The following SS18L1 variants were observed in gnomAD, a reference collection of about 807,000 sequenced individuals.
SS18L1 encodes SS18L1 subunit of BAF chromatin remodeling complex, also known as calcium-responsive transactivator.
Under a neutral mutation model 70.3 loss-of-function variants are expected in SS18L1, and 32 were observed. The observed-to-expected ratio is 0.46, with a 90% confidence interval of 0.34 to 0.61. The LOEUF is 0.61. SS18L1 is among the 20% of genes least tolerant of loss of function. SS18L1 has a pLI of 0.01. For synonymous variants in SS18L1, 237 were observed against 229.7 expected (o/e 1.03, Z -0.29); for missense variants, 430 against 542.1 (o/e 0.79, Z 2.05).
chr20:62,166,001 G>C (rs1259395392), intron 8 of SS18L1, among the ~76,000 whole-genome samples: 12 of 152,250 alleles, frequency 7.9e-5, no homozygotes, highest in African/African-American at 4.8e-5. Flanking sequence ...CTGGGGGCTT[G>C]CCGCCCTTCA....
intron 8 of SS18L1, among the ~76,000 whole-genome samples, chr20:62,166,172 CG>C (rs1428104285): frequency 2.0e-5 from 3 of 152,242 alleles, no homozygotes; most frequent in Non-Finnish European, 4.4e-5. Flanking sequence ...AGTCCCACCC[CG>C]GGATAAAGAT....
At chr20:62,154,577 C>G (rs746697800) in intron 1 of SS18L1, 2 of 1,000,798 alleles carry the variant, frequency 2.0e-6, no homozygotes, top group Non-Finnish European at 2.4e-6. Context: ...GTATGGGACA[C>G]AGCTCCTCCG....
At chr20:62,145,268 G>T (rs2057004123) in intron 1 of SS18L1, among the ~76,000 whole-genome samples, 1 of 152,164 alleles carries the variant, frequency 6.6e-6, no homozygotes. Context: ...AGCTAAAGAG[G>T]CTGCGGCCTA....
chr20:62,164,339 C>A, intron 7 of SS18L1, 93 bp downstream of exon 7: 1 of 1,249,572 alleles, frequency 8.0e-7, no homozygotes, highest in Non-Finnish European at 1.1e-6. Context: ...GTGGCCACTG[C>A]AGTGTGTCCT....
intron 4 of SS18L1, among the ~76,000 whole-genome samples, chr20:62,162,290 C>G (rs896685633): frequency 6.6e-6 from 1 of 151,124 alleles, no homozygotes; most frequent in Non-Finnish European, 1.5e-5. Flanking sequence ...AGCATGTACG[C>G]TGCTTTGTTT....
intron 1 of SS18L1, among the ~76,000 whole-genome samples, chr20:62,157,498 G>A (rs910721862): frequency 5.3e-5 from 8 of 152,236 alleles, no homozygotes; most frequent in African/African-American, 1.9e-4. Context: ...AGCGCAGACC[G>A]TGCTTGGCGG....
intron 8 of SS18L1, among the ~76,000 whole-genome samples, chr20:62,170,904 T>C (rs543567188): frequency 6.6e-6 from 1 of 151,770 alleles, no homozygotes; most frequent in Non-Finnish European, 1.5e-5. Flanking sequence ...TTTTTTTTTT[T>C]TGTTTATGTT....
Position 62,174,489 on chromosome 20 carries a change from G to A in SS18L1, c.1037-28G>A, listed in dbSNP as rs746228983. 1.9e-6 allele frequency: 3 copies of A among 1,578,898 alleles called. No homozygotes were observed. Among genetic ancestry groups the A allele is most frequent in the South Asian group, 1.2e-5 (1 of 86,490 alleles). On this transcript the variant is annotated intron_variant, in intron 9 of 10. Coordinates refer to ENST00000331758, the MANE Select transcript of SS18L1 (RefSeq NM_198935.3). This position sits in a 1 kb window ranked among gnomAD's most constrained non-coding sequence, Gnocchi z 4.1. ...AAAGAAAGAGGTGTCCGTTTTGGCC[G>A]GCCTCACGGTTCCTGGTGTCTTCTC...
chr20:62,150,633 ATTTTTTTTTTTTTTTTTTTTT>A (rs34708339), intron 1 of SS18L1, among the ~76,000 whole-genome samples: 33 of 58,052 alleles, frequency 5.7e-4, no homozygotes, highest in East Asian at 7.8e-4. Flanking sequence ...ATTGAGGTGG[ATTTTTTTTTTTTTTTTTTTTT>A]TTTTTTTTTT....
Position 62,159,858 on chromosome 20 carries a change from C to T in SS18L1, c.147-19C>T, listed in dbSNP as rs56404343. 18 of 1,609,862 alleles carry T rather than the reference C, an allele frequency of 1.1e-5. No homozygotes were observed. In the African/African-American group the frequency reaches 1.5e-4, roughly 13 times the overall value. ...TGTGGTCCCGTCGTCCTGCCTCATG[C>T]GTGCCCCCTCTCCTGCAGGTACCAG... On this transcript the variant is annotated intron_variant, in intron 2 of 10. Coordinates refer to ENST00000331758, the MANE Select transcript of SS18L1 (RefSeq NM_198935.3). The surrounding 1 kb of genome is among the most constrained non-coding windows in gnomAD (Gnocchi z 4.4).
chr20:62,164,011 C>T (rs757498754), intron 6 of SS18L1, 134 bp from the exon 7 acceptor site: 169 of 713,756 alleles, frequency 2.4e-4, no homozygotes, highest in Non-Finnish European at 3.5e-4. Context: ...AAGTTGGATA[C>T]GATGACAGCG....
Position 62,180,899 on chromosome 20 carries a change from AAAATAAAT to A in SS18L1, c.*1710_*1717del, listed in dbSNP as rs147777670. 11,760 of 171,212 alleles carry A rather than the reference AAAATAAAT, an allele frequency of 0.069. 540 individuals carry two copies. Among genetic ancestry groups the A allele is most frequent in the Middle Eastern group, 0.15 (63 of 420 alleles). 10.6% of individuals were successfully genotyped at this position (171,212 alleles called of 1,614,324 possible). ...AACAAGAGTGAAATTCCGTCTCAAAAAAATAAATAAATAAATAAATAAATAAGTTAAAA... is the reference window on the plus strand; with the variant it reads ...AACAAGAGTGAAATTCCGTCTCAAAAAAATAAATAAATAAATAAGTTAAAA... On this transcript the variant is annotated 3_prime_UTR_variant, in exon 11 of 11. Transcript: ENST00000331758.
At chr20:62,144,282 G>A (rs1335326193) in intron 1 of SS18L1, among the ~76,000 whole-genome samples, 1 of 152,074 alleles carries the variant, frequency 6.6e-6, no homozygotes, top group Non-Finnish European at 1.5e-5. Flanking sequence ...CCGGAGCCGC[G>A]GCGAGGGCTT....
At chr20:62,144,895 A>T (rs1439080667) in intron 1 of SS18L1, among the ~76,000 whole-genome samples, 2 of 152,208 alleles carry the variant, frequency 1.3e-5, no homozygotes, top group East Asian at 3.9e-4. Flanking sequence ...AAACAGTGGT[A>T]TTCCTAGGTT....
chr20:62,158,782 G>A lies in SS18L1; in HGVS notation c.146+34G>A. On this transcript the variant is annotated intron_variant, in intron 2 of 10. Coordinates refer to ENST00000331758, the MANE Select transcript of SS18L1 (RefSeq NM_198935.3). The surrounding 1 kb of genome is among the most constrained non-coding windows in gnomAD (Gnocchi z 4.5). Reference sequence around the variant, plus strand: ...CCGCCATACACCGGAACACTTGGAGGGTGTCATGCAGAGTCTAAGCACAGA... The same window carrying A: ...CCGCCATACACCGGAACACTTGGAGAGTGTCATGCAGAGTCTAAGCACAGA... 6.2e-7 allele frequency: 1 copy of A among 1,612,902 alleles called. No individual in the cohort carries two copies. Among genetic ancestry groups the A allele is most frequent in the African/African-American group, 1.3e-5 (1 of 75,052 alleles).
intron 10 of SS18L1, among the ~76,000 whole-genome samples, chr20:62,177,283 A>G (rs2057636157): frequency 6.6e-6 from 1 of 152,082 alleles, no homozygotes; most frequent in Non-Finnish European, 1.5e-5. Flanking sequence ...TGTCTCAAAA[A>G]AAAAAAAAAG....
At chr20:62,168,439 A>G (rs2057472907) in intron 8 of SS18L1, among the ~76,000 whole-genome samples, 1 of 152,252 alleles carries the variant, frequency 6.6e-6, no homozygotes, top group South Asian at 2.1e-4. Flanking sequence ...CCCATGGTGC[A>G]GTGGAGAGGC....
chr20:62,171,542 AGTT>A (rs2057531878), intron 8 of SS18L1, among the ~76,000 whole-genome samples: 1 of 152,232 alleles, frequency 6.6e-6, no homozygotes, highest in Non-Finnish European at 1.5e-5. Flanking sequence ...AGCGTGTGTT[AGTT>A]TTGTCATCCC....
intron 8 of SS18L1, among the ~76,000 whole-genome samples, chr20:62,165,749 T>C (rs1277109907): frequency 6.6e-6 from 1 of 151,590 alleles, no homozygotes; most frequent in South Asian, 2.1e-4. Flanking sequence ...CCGGCCATGC[T>C]GGGGTTGGGG....
Sources: gnomAD v4.1 joint callset for allele counts (sites outside exome capture counted in the v4.1 genomes callset) on GRCh38, gnomAD v4.1.1 for gene constraint, Gnocchi (gnomAD v3.1) non-coding constraint, MANE v1.5 for transcripts, NCBI Gene and HGNC (gene_info 2026-07-23, HGNC 2026-07-21) for gene names.